The following SAFB2 variants were observed in gnomAD, a reference collection of about 807,000 sequenced individuals.
SAFB2 encodes scaffold attachment factor B2.
Under a neutral mutation model 100.6 loss-of-function variants are expected in SAFB2, and 32 were observed. The ratio of observed to expected loss-of-function variants is 0.32; its 90% CI spans 0.24 to 0.43. The LOEUF (loss-of-function observed/expected upper bound fraction) is 0.43. Among genes scored for constraint, SAFB2 ranks in the 20% least tolerant of loss-of-function variants. SAFB2 has a pLI of 1.00. For synonymous variants in SAFB2, 500 were observed against 439.4 expected (o/e 1.14, Z -1.72); for missense variants, 1,185 against 1,163.4 (o/e 1.02, Z -0.27).
chr19:5,607,805 C>T (rs1318705211), intron 9 of SAFB2, among the ~76,000 whole-genome samples: 1 of 152,204 alleles, frequency 6.6e-6, no homozygotes, highest in East Asian at 1.9e-4. Context: ...TGTGAAATGA[C>T]AAGGTGGAAC....
rs565850059 is a variant in SAFB2, at chr19:5,587,479, G to A, written c.2706-80C>T. 51 of 1,521,084 alleles carry A rather than the reference G, an allele frequency of 3.4e-5. No homozygotes were observed. The highest frequency in any genetic ancestry group is 4.0e-5 in the Non-Finnish European group (45 of 1,127,396). 94.2% of individuals were successfully genotyped at this position (1,521,084 alleles called of 1,614,324 possible). A position where few individuals can be genotyped will look rare whatever the true frequency, so the allele number is the denominator to read the frequency against. Reference sequence around the variant, plus strand: ...GTAACATGGGTTCAGTAACGGTCCCGCAGCCTTTAGAGCGCTTGGGTTTTT... The same window carrying A: ...GTAACATGGGTTCAGTAACGGTCCCACAGCCTTTAGAGCGCTTGGGTTTTT... On this transcript the variant is annotated intron_variant, in intron 20 of 20. Transcript: ENST00000252542. This position sits in a 1 kb window ranked among gnomAD's most constrained non-coding sequence, Gnocchi z 4.9.
chr19:5,597,513 T>G (rs1367770969), intron 13 of SAFB2, among the ~76,000 whole-genome samples: 1 of 152,150 alleles, frequency 6.6e-6, no homozygotes, highest in Non-Finnish European at 1.5e-5. Context: ...CTCCAAGGCA[T>G]ATTACACAGA....
At chr19:5,615,533 T>C (rs1599276260) in intron 4 of SAFB2, among the ~76,000 whole-genome samples, 1 of 149,654 alleles carries the variant, frequency 6.7e-6, no homozygotes, top group Non-Finnish European at 1.5e-5. Flanking sequence ...CCTAGTGAGA[T>C]CCCGCCTCTA....
At position 5,608,950 on chromosome 19, in the gene SAFB2, A is replaced by C. The variant is rs556752023; in HGVS notation, c.1296+1045T>G. On this transcript the variant is annotated intron_variant, in intron 9 of 20. Transcript: ENST00000252542. ...GTAATCCCAGCTACTCGAGAAGCTA[A>C]GGCACGAGAATCACTTGAACCTGGG... Among the ~76,000 whole-genome samples the C allele has an allele frequency of 3.0e-3, 452 of 151,176 alleles. 2 individuals are homozygous for C. Among genetic ancestry groups the C allele is most frequent in the Middle Eastern group, 0.027 (8 of 292 alleles).
chr19:5,600,845 C>T lies in SAFB2; in HGVS notation c.1560-585G>A, dbSNP rs536130634. ...GGGAAGGTGTTAAGTGCCATTTCAA[C>T]CAAAGGCAACTTTCTTCTAAGCAGT... is the stretch of plus-strand genomic sequence containing the variant. On this transcript the variant is annotated intron_variant, in intron 11 of 20. Coordinates refer to ENST00000252542, the MANE Select transcript of SAFB2 (RefSeq NM_014649.3). Among the ~76,000 whole-genome samples the T allele has an allele frequency of 3.0e-4, 46 of 152,330 alleles. 1 individual carries two copies. Among genetic ancestry groups the T allele is most frequent in the African/African-American group, 1.1e-3 (46 of 41,578 alleles).
rs994820514 is a variant in SAFB2 at position 5,595,449 on chromosome 19, T to C, written c.1831A>G (p.Ile611Val). The change falls in exon 14 of 21, where the codon ATC becomes GTC. Residue 611 changes from isoleucine to valine, a missense_variant. Around this residue, in one of 3 missense-constraint regions of SAFB2, gnomAD observed 740 missense variants for 687.1 expected, o/e 1.08. Coordinates refer to ENST00000252542, the MANE Select transcript of SAFB2 (RefSeq NM_014649.3). ...TCTTTGATTTTATCAAACGACAAGA[T>C]GTCTCTCTTTTCTTTGCTTTCTGAC... ...RKSESKEKRD[I>V]LSFDKIKEQR... The C allele has an allele frequency of 1.2e-5, 20 of 1,613,962 alleles. No individual in the cohort carries two copies. Among genetic ancestry groups the C allele is most frequent in the Non-Finnish European group, 1.7e-5 (20 of 1,180,026 alleles).
rs1286368266 is a variant in SAFB2, at chr19:5,611,153, G to A, written c.1112C>T (p.Ser371Phe). 1 of 475,902 alleles carries A rather than the reference G, an allele frequency of 2.1e-6. No homozygotes were observed. Among genetic ancestry groups the A allele is most frequent in the African/African-American group, 3.1e-5 (1 of 32,582 alleles). The allele number at this position is 475,902 out of a possible 1,614,324, so 29.5% of individuals were successfully genotyped here. A position where few individuals can be genotyped will look rare whatever the true frequency, so the allele number is the denominator to read the frequency against. ...CNEVPPAPKE[S>F]STSEGADQKM... ...CTGATCAGCGCCCTCACTGGTTGAG[G>A]ACTCTTTAGGAGCCGGAGGGACTTC... Residue 371 changes from serine to phenylalanine, a missense_variant, in exon 7 of 21, where the codon TCC becomes TTC. Ser to Phe is a radical substitution (Grantham distance 155). Coordinates refer to ENST00000252542, the MANE Select transcript of SAFB2 (RefSeq NM_014649.3).
At chr19:5,590,206 G>GGGGGGC in intron 18 of SAFB2, 72 bp downstream of exon 18, 3 of 1,336,104 alleles carry the variant, frequency 2.2e-6, no homozygotes, top group Non-Finnish European at 2.0e-6. Flanking sequence ...TTGGGGACGT[G>GGGGGGC]CCTGGCCAGG....
intron 2 of SAFB2, among the ~76,000 whole-genome samples, chr19:5,619,066 T>C (rs945324050): frequency 6.6e-6 from 1 of 152,222 alleles, no homozygotes; most frequent in Non-Finnish European, 1.5e-5. Context: ...AGTCCAACTT[T>C]GGACTCAACT....
intron 2 of SAFB2, among the ~76,000 whole-genome samples, chr19:5,618,580 C>A (rs934122904): frequency 1.3e-5 from 2 of 152,216 alleles, no homozygotes; most frequent in Non-Finnish European, 2.9e-5. Flanking sequence ...CCAAAGCTGG[C>A]ACTCTAAAAC....
At chr19:5,605,954 C>T (rs771404881) in intron 9 of SAFB2, among the ~76,000 whole-genome samples, 11 of 152,138 alleles carry the variant, frequency 7.2e-5, no homozygotes, top group Non-Finnish European at 1.6e-4. Flanking sequence ...GCTGAAGAGA[C>T]CCACAGAGGG....
In SAFB2 at chr19:5,611,186, G is replaced by C. The variant is rs1306267865; in HGVS notation, c.1079C>G (p.Ala360Gly). 1 of 471,456 alleles carries C rather than the reference G, an allele frequency of 2.1e-6. No individual in the cohort carries two copies. The highest frequency in any genetic ancestry group is 3.5e-5 in the East Asian group (1 of 28,824). The allele number at this position is 471,456 out of a possible 1,614,324, so 29.2% of individuals were successfully genotyped here. A position where few individuals can be genotyped will look rare whatever the true frequency, so the allele number is the denominator to read the frequency against. The change falls in exon 7 of 21, where the codon GCT becomes GGT. Residue 360 changes from alanine to glycine, a missense_variant. By Grantham distance (60) the Ala-to-Gly change is moderately conservative. Transcript: ENST00000252542. ...AGGAGCCGGAGGGACTTCATTACAA[G>C]CGTCAAAATCAAACTTCCTCCCGTC... ...KEDGRKFDFDACNEVPPAPKE... is the reference protein window; with the variant it reads ...KEDGRKFDFDGCNEVPPAPKE...
intron 13 of SAFB2, among the ~76,000 whole-genome samples, chr19:5,596,938 G>A (rs1394708448): frequency 2.6e-5 from 4 of 152,174 alleles, no homozygotes; most frequent in Non-Finnish European, 5.9e-5. Flanking sequence ...ACAGGCAAAG[G>A]TCAAGATGAG....
In SAFB2 at chr19:5,616,153, C is replaced by G. The variant is rs985718575; in HGVS notation, c.522G>C (p.Pro174=). The change falls in exon 4 of 21, where the codon CCG becomes CCC. Residue 174 remains proline (P), a synonymous_variant. Transcript: ENST00000252542. ...CTACAGCATGCTCTGGGGGCTGAGCCGGGAGCTGTCTCAGCTGTGCAGCCA... is the reference window on the plus strand; with the variant it reads ...CTACAGCATGCTCTGGGGGCTGAGCGGGGAGCTGTCTCAGCTGTGCAGCCA... ...EYVAAQLRQL[P]AQPPEHAVDG... The G allele has an allele frequency of 6.2e-7, 1 of 1,614,170 alleles. No homozygotes were observed. Among genetic ancestry groups the G allele is most frequent in the Non-Finnish European group, 8.5e-7 (1 of 1,180,034 alleles).
intron 16 of SAFB2, among the ~76,000 whole-genome samples, chr19:5,592,002 G>A (rs980296885): frequency 2.6e-5 from 4 of 152,210 alleles, no homozygotes; most frequent in African/African-American, 9.6e-5. Flanking sequence ...TAGGAATAAA[G>A]ATCTCACTGA....
At chr19:5,606,595 G>T (rs909755846) in intron 9 of SAFB2, among the ~76,000 whole-genome samples, 2 of 152,266 alleles carry the variant, frequency 1.3e-5, no homozygotes, top group Non-Finnish European at 2.9e-5. Context: ...TCCAGCCTGG[G>T]TGACACAGTG....
intron 13 of SAFB2, among the ~76,000 whole-genome samples, chr19:5,595,927 C>G (rs1171141035): frequency 1.6e-4 from 25 of 152,222 alleles, no homozygotes; most frequent in Non-Finnish European, 2.9e-5. Flanking sequence ...CTACATGTTT[C>G]ACATCTCAAC....
chr19:5,617,439 G>A (rs1398187424), intron 2 of SAFB2, among the ~76,000 whole-genome samples: 1 of 152,158 alleles, frequency 6.6e-6, no homozygotes, highest in Non-Finnish European at 1.5e-5. Flanking sequence ...GGCTCTATAT[G>A]TATCAAAAAC....
intron 4 of SAFB2, among the ~76,000 whole-genome samples, chr19:5,614,581 G>T (rs570889546): frequency 6.6e-6 from 1 of 152,198 alleles, no homozygotes; most frequent in Non-Finnish European, 1.5e-5. Flanking sequence ...ACTTTTGACC[G>T]TAAGGTTTAA....
Sources: allele counts gnomAD v4.1 joint callset (sites outside exome capture counted in the v4.1 genomes callset), GRCh38; gene constraint gnomAD v4.1.1; regional missense constraint gnomAD v4.1.1; non-coding constraint Gnocchi (gnomAD v3.1); transcripts MANE v1.5; gene names NCBI Gene and HGNC (gene_info 2026-07-23, HGNC 2026-07-21).